COL8A1: variants seen among roughly 807,000 people sequenced by gnomAD.
COL8A1 encodes the protein collagen type VIII alpha 1 chain.
In COL8A1, 21 loss-of-function variants were observed where a neutral mutation model predicts 42.7. The observed-to-expected ratio is 0.49, with a 90% confidence interval of 0.35 to 0.71. The LOEUF (loss-of-function observed/expected upper bound fraction) is 0.71. Ranked by LOEUF, COL8A1 falls within the 30% of genes least tolerant of loss-of-function variation. The pLI, the probability that COL8A1 is intolerant of heterozygous loss-of-function variation, is 0.01. For synonymous variants in COL8A1, 367 were observed against 369.1 expected (o/e 0.99, Z 0.06); for missense variants, 788 against 962.4 (o/e 0.82, Z 2.40).
chr3:99,760,423 C>A (rs1466495847), intron 2 of COL8A1, among the ~76,000 whole-genome samples: 1 of 152,126 alleles, frequency 6.6e-6, no homozygotes, highest in Non-Finnish European at 1.5e-5. Flanking sequence ...AAGATATTTT[C>A]TTTGCAAAGA....
rs576465536 is a variant in COL8A1, at chr3:99,704,315, T to C, written c.-128-40582T>C. Among the ~76,000 whole-genome samples the C allele has an allele frequency of 3.3e-5, 5 of 152,182 alleles. No homozygotes were observed. In the South Asian group the frequency reaches 1.0e-3, roughly 32 times the overall value. ...AGAATCTATTTAGTGCCTTAACACT[T>C]TAAAGGGAAAGCAAAAGCGGTACTA... is the stretch of plus-strand genomic sequence containing the variant. On this transcript the variant is annotated intron_variant, in intron 1 of 3. Coordinates refer to ENST00000652472, the MANE Select transcript of COL8A1 (RefSeq NM_020351.4).
At chr3:99,745,617 G>A (rs902910220) in intron 2 of COL8A1, among the ~76,000 whole-genome samples, 5 of 151,968 alleles carry the variant, frequency 3.3e-5, no homozygotes, top group African/African-American at 1.2e-4. Context: ...CCTTTCAGAC[G>A]ACTGAAGTGA....
At chr3:99,770,486 T>A (rs1941557500) in intron 2 of COL8A1, among the ~76,000 whole-genome samples, 1 of 152,198 alleles carries the variant, frequency 6.6e-6, no homozygotes, top group Admixed American at 6.5e-5. Flanking sequence ...AAAACATGTA[T>A]TCATCAACTA....
At chr3:99,734,650 T>A (rs926436117) in intron 1 of COL8A1, among the ~76,000 whole-genome samples, 1 of 151,960 alleles carries the variant, frequency 6.6e-6, no homozygotes, top group Admixed American at 6.6e-5. Flanking sequence ...TTTGGTTCCA[T>A]ATGAACTTTA....
intron 2 of COL8A1, among the ~76,000 whole-genome samples, chr3:99,785,629 G>T (rs1222185912): frequency 6.6e-6 from 1 of 152,164 alleles, no homozygotes; most frequent in African/African-American, 2.4e-5. Flanking sequence ...TGAAAATAGG[G>T]CCTTTAAAGA....
At chr3:99,639,761 AG>A (rs1437181624) in intron 1 of COL8A1, among the ~76,000 whole-genome samples, 6 of 152,348 alleles carry the variant, frequency 3.9e-5, no homozygotes, top group African/African-American at 1.4e-4. Context: ...CTCAAGTGGG[AG>A]AAAAACCCTC....
chr3:99,685,534 C>T (rs1309630693), intron 1 of COL8A1: 1 of 152,144 alleles, frequency 6.6e-6, no homozygotes, highest in African/African-American at 2.4e-5. Flanking sequence ...TGCCCTTTCG[C>T]AATAGGTATT....
chr3:99,742,539 C>T (rs1576459357), intron 1 of COL8A1, among the ~76,000 whole-genome samples: 1 of 152,130 alleles, frequency 6.6e-6, no homozygotes, highest in Non-Finnish European at 1.5e-5. Flanking sequence ...TTAATAGCAA[C>T]AAAAATGTCT....
intron 1 of COL8A1, among the ~76,000 whole-genome samples, chr3:99,729,115 A>G (rs1054521541): frequency 2.0e-5 from 3 of 152,082 alleles, no homozygotes; most frequent in Non-Finnish European, 4.4e-5. Flanking sequence ...CATCTATTTC[A>G]AAAGTATCAG....
chr3:99,687,522 T>C (rs1191690442), intron 1 of COL8A1, among the ~76,000 whole-genome samples: 2 of 152,184 alleles, frequency 1.3e-5, no homozygotes, highest in African/African-American at 4.8e-5. Context: ...TGGGGAGCTA[T>C]GCCTGGGCAG....
Position 99,798,390 on chromosome 3 carries a change from C to CA in COL8A1, c.*2255dup, listed in dbSNP as rs1276582382. 6.6e-6 allele frequency: 1 copy of CA among 152,200 alleles called. No individual in the cohort carries two copies. The highest frequency in any genetic ancestry group is 2.4e-5 in the African/African-American group (1 of 41,458). 9.4% of individuals were successfully genotyped at this position (152,200 alleles called of 1,614,324 possible). On this transcript the variant is annotated 3_prime_UTR_variant, in exon 4 of 4. Coordinates refer to ENST00000652472, the MANE Select transcript of COL8A1 (RefSeq NM_020351.4). Reference sequence around the variant, plus strand: ...GTTTTGGGCTGATGACTATGGTGGGCAGCATGGATCCATTGGGCTCCTTCT... The same window carrying CA: ...GTTTTGGGCTGATGACTATGGTGGGCAAGCATGGATCCATTGGGCTCCTTCT...
At chr3:99,639,378 CTAAACA>C (rs1937458232) in intron 1 of COL8A1, among the ~76,000 whole-genome samples, 1 of 152,158 alleles carries the variant, frequency 6.6e-6, no homozygotes, top group Non-Finnish European at 1.5e-5. Flanking sequence ...GTACACACAC[CTAAACA>C]TAAAGTGTTT....
chr3:99,729,032 A>T (rs1376509655), intron 1 of COL8A1, among the ~76,000 whole-genome samples: 5 of 152,072 alleles, frequency 3.3e-5, no homozygotes, highest in Non-Finnish European at 5.9e-5. Flanking sequence ...TTCATTTGAA[A>T]AAAAGCTAGT....
intron 1 of COL8A1, among the ~76,000 whole-genome samples, chr3:99,726,823 T>C (rs928330716): frequency 1.4e-4 from 21 of 152,130 alleles, no homozygotes; most frequent in African/African-American, 5.1e-4. Flanking sequence ...AGCCTTGTAG[T>C]ATAGTTTGAA....
At chr3:99,739,082 C>T (rs1404779495) in intron 1 of COL8A1, among the ~76,000 whole-genome samples, 5 of 152,204 alleles carry the variant, frequency 3.3e-5, no homozygotes, top group Admixed American at 1.3e-4. Flanking sequence ...CCTGCTTTGG[C>T]TCGTGCACGG....
chr3:99,768,704 A>G (rs1576469574), intron 2 of COL8A1, among the ~76,000 whole-genome samples: 1 of 152,214 alleles, frequency 6.6e-6, no homozygotes. Context: ...GTCCTTGGAC[A>G]CCATCCTCAC....
intron 1 of COL8A1, among the ~76,000 whole-genome samples, chr3:99,661,863 A>G (rs183081865): frequency 6.6e-6 from 1 of 152,254 alleles, no homozygotes; most frequent in African/African-American, 2.4e-5. Context: ...GGCCAGTCAC[A>G]AAATGACAAA....
At chr3:99,743,655 C>G (rs1940954528) in intron 1 of COL8A1, among the ~76,000 whole-genome samples, 1 of 152,204 alleles carries the variant, frequency 6.6e-6, no homozygotes, top group South Asian at 2.1e-4. Flanking sequence ...TTAAGTTCCT[C>G]CATCACACTA....
chr3:99,681,103 C>A (rs922108952), intron 1 of COL8A1, among the ~76,000 whole-genome samples: 1 of 152,096 alleles, frequency 6.6e-6, no homozygotes, highest in African/African-American at 2.4e-5. Context: ...ACTAAAACAC[C>A]AAAAGCAATG....
Sources: gnomAD v4.1 joint callset for allele counts (sites outside exome capture counted in the v4.1 genomes callset) on GRCh38, gnomAD v4.1.1 for gene constraint, MANE v1.5 for transcripts, NCBI Gene and HGNC (gene_info 2026-07-23, HGNC 2026-07-21) for gene names.